The following ELAPOR2 variants were observed in gnomAD, a reference collection of about 807,000 sequenced individuals.
ELAPOR2 encodes endosome/lysosome-associated apoptosis and autophagy regulator family member 2.
In ELAPOR2, 89 loss-of-function variants were observed where a neutral mutation model predicts 120.7. The observed-to-expected ratio is 0.74, with a 90% confidence interval of 0.62 to 0.88. The LOEUF is 0.88. Ranked by LOEUF, ELAPOR2 falls within the 40% of genes least tolerant of loss-of-function variation. The pLI, the probability that ELAPOR2 is intolerant of heterozygous loss-of-function variation, is 0.00. For synonymous variants in ELAPOR2, 444 were observed against 444.9 expected, an observed-to-expected ratio of 1.00 and a Z score of 0.03; for missense variants, 1,134 against 1,251.6, an observed-to-expected ratio of 0.91 and a Z score of 1.42.
In ELAPOR2 at chr7:86,938,887, G is replaced by C. The variant is rs1009235564; in HGVS notation, c.921C>G (p.Cys307Trp). ...AATAGGTGTTTCTGGGACACACCTG[G>C]CAGTTGAATGAACCTGGTTTGTTGC... is the stretch of plus-strand genomic sequence containing the variant. The part of the protein sequence containing the change: ...TFSNKPGSFN[C>W]QVCPRNTYSE... Residue 307 changes from cysteine to tryptophan, a missense_variant, in exon 7 of 22, where the codon TGC (cysteine) becomes TGG (tryptophan). This residue lies in a region of ELAPOR2 where 831 missense variants were observed against 867.6 expected (regional missense o/e 0.96). Coordinates refer to ENST00000450689, the MANE Select transcript of ELAPOR2 (RefSeq NM_001142749.3). 4 of 1,613,246 alleles carry C rather than the reference G, an allele frequency of 2.5e-6. No homozygotes were observed. Among genetic ancestry groups the C allele is most frequent in the Non-Finnish European group, 3.4e-6 (4 of 1,179,512 alleles).
In ELAPOR2 at chr7:87,010,261, C is replaced by A. The variant is rs572518219; in HGVS notation, c.190-45237G>T. On this transcript the variant is annotated intron_variant, in intron 1 of 21. Coordinates refer to ENST00000450689, the MANE Select transcript of ELAPOR2 (RefSeq NM_001142749.3). ...TTTTGTCAGCTTTCCAGTTGGAAAT[C>A]TTTGAAACTGGGATTCAAGTAGAGC... 1.6e-3 allele frequency among the ~76,000 whole-genome samples: 250 copies of A among 152,282 alleles called. 1 individual carries two copies. The highest frequency in any genetic ancestry group is 5.4e-3 in the African/African-American group (224 of 41,570).
chr7:87,048,341 G>C (rs1337399169), intron 1 of ELAPOR2, among the ~76,000 whole-genome samples: 1 of 152,004 alleles, frequency 6.6e-6, no homozygotes, highest in African/African-American at 2.4e-5. Flanking sequence ...AACATGGATA[G>C]AACTGGAGGT....
At chr7:87,039,571 AT>A (rs770935324) in intron 1 of ELAPOR2, among the ~76,000 whole-genome samples, 18 of 152,244 alleles carry the variant, frequency 1.2e-4, no homozygotes, top group Non-Finnish European at 2.6e-4. Context: ...ACCAAGTGAG[AT>A]TTATCCCTGG....
chr7:87,008,897 G>C (rs1012384429), intron 1 of ELAPOR2, among the ~76,000 whole-genome samples: 4 of 151,986 alleles, frequency 2.6e-5, no homozygotes. Context: ...ATTTTTTAAT[G>C]AAAATTTCCT....
chr7:86,904,390 G>A (rs1430857769), intron 18 of ELAPOR2, among the ~76,000 whole-genome samples: 2 of 152,126 alleles, frequency 1.3e-5, no homozygotes. Flanking sequence ...AAAGGCTAGA[G>A]GGCCATCTAT....
At chr7:86,976,148 A>G (rs115668228) in intron 1 of ELAPOR2, among the ~76,000 whole-genome samples, 2,551 of 152,288 alleles carry the variant, frequency 0.017, 75 homozygotes, top group African/African-American at 0.058. Context: ...ATGCCAAGAG[A>G]AAACCTCTCT....
chr7:86,928,570 C>A (rs1422692759), intron 8 of ELAPOR2, among the ~76,000 whole-genome samples: 1 of 151,852 alleles, frequency 6.6e-6, no homozygotes, highest in South Asian at 2.1e-4. Context: ...GTATTGCTAT[C>A]CTCAAGTTTA....
intron 1 of ELAPOR2, among the ~76,000 whole-genome samples, chr7:87,000,043 T>C (rs1169077713): frequency 6.6e-6 from 1 of 152,148 alleles, no homozygotes; most frequent in Non-Finnish European, 1.5e-5. Context: ...CACACCTTAC[T>C]GTCCATAACC....
At chr7:86,964,455 T>C (rs1348027097) in intron 2 of ELAPOR2, among the ~76,000 whole-genome samples, 1 of 152,132 alleles carries the variant, frequency 6.6e-6, no homozygotes, top group Non-Finnish European at 1.5e-5. Flanking sequence ...AAAAAAAATA[T>C]CCATTGCAAG....
At chr7:86,988,332 C>T (rs539389008) in intron 1 of ELAPOR2, among the ~76,000 whole-genome samples, 229 of 151,952 alleles carry the variant, frequency 1.5e-3, no homozygotes, top group Non-Finnish European at 2.5e-3. Flanking sequence ...TACCCTAGAA[C>T]TTAAAGTATA....
At chr7:87,000,205 C>A (rs1223617725) in intron 1 of ELAPOR2, among the ~76,000 whole-genome samples, 1 of 152,076 alleles carries the variant, frequency 6.6e-6, no homozygotes, top group Non-Finnish European at 1.5e-5. Flanking sequence ...CACACACACA[C>A]AAAAGGAGAC....
At chr7:86,977,136 G>T (rs1316933249) in intron 1 of ELAPOR2, among the ~76,000 whole-genome samples, 1 of 152,224 alleles carries the variant, frequency 6.6e-6, no homozygotes, top group Non-Finnish European at 1.5e-5. Context: ...ACTCATTAGT[G>T]ATACATATCA....
chr7:86,887,468 A>AT (rs1799746323), intron 21 of ELAPOR2, among the ~76,000 whole-genome samples: 1 of 152,074 alleles, frequency 6.6e-6, no homozygotes, highest in Non-Finnish European at 1.5e-5. Context: ...CCTCACCACT[A>AT]TTTACAACTG....
chr7:86,984,405 A>T (rs1792633673), intron 1 of ELAPOR2, among the ~76,000 whole-genome samples: 1 of 152,238 alleles, frequency 6.6e-6, no homozygotes, highest in South Asian at 2.1e-4. Flanking sequence ...ACCACATTGC[A>T]CTTATTCCAA....
At chr7:87,018,249 CA>C (rs150953169) in intron 1 of ELAPOR2, among the ~76,000 whole-genome samples, 1,854 of 152,166 alleles carry the variant, frequency 0.012, 22 homozygotes, top group Admixed American at 0.018. Flanking sequence ...CCATCTTGGC[CA>C]GGCTGTTCTC....
rs145985081 is a variant in ELAPOR2 at position 86,989,003 on chromosome 7, C to T, written c.190-23979G>A. On this transcript the variant is annotated intron_variant, in intron 1 of 21. Transcript: ENST00000450689. ...ACCAAGCAGTTCAGATAGAAACTGACCCAACCTAACTTAGAGTATTATAAA... is the reference window on the plus strand; with the variant it reads ...ACCAAGCAGTTCAGATAGAAACTGATCCAACCTAACTTAGAGTATTATAAA... Among the ~76,000 whole-genome samples, 508 of 152,208 alleles carry T rather than the reference C, an allele frequency of 3.3e-3. 7 individuals are homozygous for T. The highest frequency in any genetic ancestry group is 0.011 in the African/African-American group (474 of 41,532).
At chr7:87,033,431 A>G (rs951621282) in intron 1 of ELAPOR2, among the ~76,000 whole-genome samples, 1 of 152,222 alleles carries the variant, frequency 6.6e-6, no homozygotes, top group Non-Finnish European at 1.5e-5. Context: ...GCTTTTCAAC[A>G]TATCAGGGAA....
chr7:87,033,313 T>C lies in ELAPOR2; in HGVS notation c.189+26012A>G, dbSNP rs552465002. 1.8e-3 allele frequency among the ~76,000 whole-genome samples: 272 copies of C among 152,314 alleles called. 1 individual carries two copies. The highest frequency in any genetic ancestry group is 6.2e-3 in the African/African-American group (259 of 41,562). ...TTTCACACATTAACTACTCAATAAA[T>C]GGAACTTGTTATCAAAAAAATCGAA... On this transcript the variant is annotated intron_variant, in intron 1 of 21. Transcript: ENST00000450689.
At chr7:86,907,888 A>G (rs1273885872) in intron 17 of ELAPOR2, 117 bp from the exon 18 acceptor site, 3 of 497,650 alleles carry the variant, frequency 6.0e-6, no homozygotes, top group South Asian at 1.0e-4. Context: ...AAATGTATTA[A>G]AGTTCACTAA....
Sources: gnomAD v4.1 joint callset for allele counts (sites outside exome capture counted in the v4.1 genomes callset) on GRCh38, gnomAD v4.1.1 for gene constraint, gnomAD v4.1.1 regional missense constraint, MANE v1.5 for transcripts, NCBI Gene and HGNC (gene_info 2026-07-23, HGNC 2026-07-21) for gene names.